The following KLHL2 variants were observed in gnomAD, a reference collection of about 807,000 sequenced individuals.
KLHL2 encodes the protein kelch-like protein 2.
KLHL2 carries 15 observed loss-of-function variants against 75.8 expected under a neutral mutation model. That is an observed-to-expected ratio of 0.20 (90% CI 0.13 to 0.30). The LOEUF is 0.30. Ranked by LOEUF, KLHL2 falls within the 10% of genes least tolerant of loss-of-function variation. The pLI, the probability that KLHL2 is intolerant of heterozygous loss-of-function variation, is 1.00. For synonymous variants in KLHL2, 214 were observed against 251.9 expected (o/e 0.85, Z 1.42); for missense variants, 381 against 741.0 (o/e 0.51, Z 5.64).
intron 5 of KLHL2, among the ~76,000 whole-genome samples, chr4:165,277,562 AT>A (rs1743224009): frequency 6.6e-6 from 1 of 152,250 alleles, no homozygotes; most frequent in Non-Finnish European, 1.5e-5. Flanking sequence ...TAACCTTTTA[AT>A]CAAGTATATG....
chr4:165,252,108 AT>A (rs1033539313), intron 4 of KLHL2, among the ~76,000 whole-genome samples: 1 of 152,242 alleles, frequency 6.6e-6, no homozygotes, highest in African/African-American at 2.4e-5. Flanking sequence ...GAACAAAAAA[AT>A]GACTCCATCC....
chr4:165,320,948 C>G (rs768128266), intron 14 of KLHL2, among the ~76,000 whole-genome samples: 31 of 152,042 alleles, frequency 2.0e-4, no homozygotes, highest in Non-Finnish European at 4.6e-4. Flanking sequence ...TTAACCACTG[C>G]CAGACAATGA....
At chr4:165,318,139 A>C (rs1469870072) in intron 14 of KLHL2, among the ~76,000 whole-genome samples, 170 bp downstream of exon 14, 1 of 152,246 alleles carries the variant, frequency 6.6e-6, no homozygotes, top group Non-Finnish European at 1.5e-5. Flanking sequence ...ATAAAGCACC[A>C]GTATACTTTT....
chr4:165,244,872 G>A (rs1203099884), intron 4 of KLHL2, among the ~76,000 whole-genome samples: 3 of 152,132 alleles, frequency 2.0e-5, no homozygotes, highest in African/African-American at 7.2e-5. Context: ...TTGTGTTTGT[G>A]TGTGTGTTTT....
In KLHL2 at chr4:165,207,773, G is replaced by A; in HGVS notation, c.-104G>A. On this transcript the variant is annotated 5_prime_UTR_variant, in exon 1 of 15. Transcript: ENST00000226725. The surrounding 1 kb of genome is among the most constrained non-coding windows in gnomAD (Gnocchi z 4.2). ...GAGAGCGCGGCGCCCCCTCCGGGGC[G>A]GATGGAACGCGGCTCGGCGGGCGGG... The A allele has an allele frequency of 9.5e-7, 1 of 1,050,862 alleles. No homozygotes were observed. 65.1% of individuals were successfully genotyped at this position (1,050,862 alleles called of 1,614,324 possible).
intron 11 of KLHL2, 64 bp downstream of exon 11, chr4:165,311,629 T>A: frequency 8.8e-7 from 1 of 1,133,886 alleles, no homozygotes; most frequent in Non-Finnish European, 1.3e-6. Flanking sequence ...GTTCTTCCAG[T>A]AATCTCAACT....
At position 165,312,219 on chromosome 4, in the gene KLHL2, G is replaced by C. The variant is rs150603570; in HGVS notation, c.1339+654G>C. Among the ~76,000 whole-genome samples, 3 of 152,198 alleles carry C rather than the reference G, an allele frequency of 2.0e-5. No individual in the cohort carries two copies. In the South Asian group the frequency reaches 6.2e-4, roughly 32 times the overall value. On this transcript the variant is annotated intron_variant, in intron 11 of 14. Transcript: ENST00000226725. ...TCCTAACAGGTTCCAGACAGGTACC[G>C]GTCCATGGCCTGCGGTTTGGGGACT...
Position 165,322,065 on chromosome 4 carries a change from G to A in KLHL2, c.*5G>A, listed in dbSNP as rs148138173. The A allele has an allele frequency of 6.5e-5, 105 of 1,612,948 alleles. No individual in the cohort carries two copies. In the African/African-American group the frequency reaches 9.7e-4, roughly 15 times the overall value. On this transcript the variant is annotated 3_prime_UTR_variant, in exon 15 of 15. Coordinates refer to ENST00000226725, the MANE Select transcript of KLHL2 (RefSeq NM_007246.4). ...GTTATTGATAAACCATTATGAGCCT[G>A]AAGGACATTTTCAGCATATTTATAC...
At position 165,292,415 on chromosome 4, in the gene KLHL2, C is replaced by T. The variant is rs192390000; in HGVS notation, c.545-1944C>T. On this transcript the variant is annotated intron_variant, in intron 5 of 14. Coordinates refer to ENST00000226725, the MANE Select transcript of KLHL2 (RefSeq NM_007246.4). The stretch of plus-strand genomic sequence containing the variant: ...TGGCGTGATCTCGGCTTACTGCAAC[C>T]TCCTCCTCCCAGGTTCAAGCAATCC... 2.2e-3 allele frequency among the ~76,000 whole-genome samples: 340 copies of T among 152,220 alleles called. 1 individual carries two copies. The highest frequency in any genetic ancestry group is 8.0e-3 in the African/African-American group (331 of 41,544).
Position 165,310,629 on chromosome 4 carries a change from C to G in KLHL2, c.1116C>G (p.Ser372=). ...CATTAAGAGTTCGCACTGTAGATTC[C>G]TACGACCCTGTGAAGGACCAGTGGA... ...NGSLRVRTVD[S]YDPVKDQWTS... The change falls in exon 10 of 15, where the codon TCC becomes TCG. Residue 372 remains serine, a synonymous_variant. Coordinates refer to ENST00000226725, the MANE Select transcript of KLHL2 (RefSeq NM_007246.4). 6.2e-7 allele frequency: 1 copy of G among 1,614,122 alleles called. No homozygotes were observed. The highest frequency in any genetic ancestry group is 8.5e-7 in the Non-Finnish European group (1 of 1,180,012).
intron 1 of KLHL2, among the ~76,000 whole-genome samples, chr4:165,219,062 G>GC (rs1192293637): frequency 6.6e-6 from 1 of 152,044 alleles, no homozygotes; most frequent in Non-Finnish European, 1.5e-5. Flanking sequence ...GTTAATTCTT[G>GC]CCCCCCTCCT....
chr4:165,294,524 A>C (rs116083425), intron 6 of KLHL2, 56 bp downstream of exon 6: 3 of 838,572 alleles, frequency 3.6e-6, no homozygotes, highest in Non-Finnish European at 5.6e-6. Context: ...TTTTTTTTTT[A>C]ATTTCACTTT....
intron 1 of KLHL2, chr4:165,208,362 A>G (rs1332125733): frequency 1.3e-5 from 2 of 152,618 alleles, no homozygotes; most frequent in Non-Finnish European, 1.5e-5. Context: ...CCGAATTTCT[A>G]ACAAAATTAA....
At chr4:165,215,779 A>G (rs1421759203) in intron 1 of KLHL2, among the ~76,000 whole-genome samples, 1 of 151,836 alleles carries the variant, frequency 6.6e-6, no homozygotes, top group African/African-American at 2.4e-5. Context: ...TTAATCTGGG[A>G]TGATTCTGAG....
intron 9 of KLHL2, 145 bp from the exon 10 acceptor site, chr4:165,310,408 A>G: frequency 1.5e-6 from 1 of 686,522 alleles, no homozygotes; most frequent in African/African-American, 1.8e-5. Context: ...GCAAATGAAT[A>G]GCATTTTCAA....
rs562245862 is a variant in KLHL2 at position 165,207,641 on chromosome 4, C to T, written c.-236C>T. 4.9e-4 allele frequency: 75 copies of T among 151,766 alleles called. 1 individual carries two copies. Among genetic ancestry groups the T allele is most frequent in the Non-Finnish European group, 8.1e-4 (56 of 69,064 alleles). 9.4% of individuals were successfully genotyped at this position (151,766 alleles called of 1,614,324 possible). A position where few individuals can be genotyped will look rare whatever the true frequency, so the allele number is the denominator to read the frequency against. ...GCGCGCCCGCCGGTCCCGTCGCCGC[C>T]GCCCCGCACTCGGGCGAGCGCGGGA... On this transcript the variant is annotated 5_prime_UTR_variant, in exon 1 of 15. Coordinates refer to ENST00000226725, the MANE Select transcript of KLHL2 (RefSeq NM_007246.4). The surrounding 1 kb of genome is among the most constrained non-coding windows in gnomAD (Gnocchi z 4.2).
intron 5 of KLHL2, among the ~76,000 whole-genome samples, chr4:165,266,024 G>A (rs1742214545): frequency 6.6e-6 from 1 of 152,198 alleles, no homozygotes; most frequent in East Asian, 1.9e-4. Context: ...TAACTGGCCT[G>A]AGATGGTATC....
chr4:165,305,024 G>A (rs549956751), intron 8 of KLHL2, among the ~76,000 whole-genome samples: 50 of 152,252 alleles, frequency 3.3e-4, no homozygotes, highest in African/African-American at 1.1e-3. Context: ...TCCATTACAT[G>A]TCCTGTTAGG....
intron 5 of KLHL2, among the ~76,000 whole-genome samples, chr4:165,263,805 G>GTTTTTTTTTTTTTT (rs55901119): frequency 1.1e-4 from 7 of 66,474 alleles, no homozygotes; most frequent in African/African-American, 2.3e-4. Flanking sequence ...TTTTTACATT[G>GTTTTTTTTTTTTTT]TTTTTTTTTT....
Sources: allele counts gnomAD v4.1 joint callset (sites outside exome capture counted in the v4.1 genomes callset), GRCh38; gene constraint gnomAD v4.1.1; non-coding constraint Gnocchi (gnomAD v3.1); transcripts MANE v1.5; gene names NCBI Gene and HGNC (gene_info 2026-07-23, HGNC 2026-07-21).